The following PIWIL3 variants were observed in gnomAD, a reference collection of about 807,000 sequenced individuals.
The protein encoded by PIWIL3 is piwi like RNA-mediated gene silencing 3, also known as piwi-like protein 3.
PIWIL3 carries 101 observed loss-of-function variants against 109.7 expected under a neutral mutation model. The ratio of observed to expected loss-of-function variants is 0.92; its 90% CI spans 0.78 to 1.09. PIWIL3 has a LOEUF of 1.09. Among genes scored for constraint, PIWIL3 ranks in the 50% least tolerant of loss-of-function variants. The pLI is 0.00. For missense variants in PIWIL3, 1,031 were observed against 1,072.6 expected (o/e 0.96, Z 0.54); for synonymous variants, 373 against 376.4 (o/e 0.99, Z 0.10).
chr22:24,773,437 T>C (rs1926238781), intron 1 of PIWIL3, among the ~76,000 whole-genome samples: 1 of 152,118 alleles, frequency 6.6e-6, no homozygotes, highest in Non-Finnish European at 1.5e-5. Context: ...GGAGAAGGTG[T>C]ATTGAGCTTG....
At chr22:24,747,804 G>A (rs957436791) in intron 12 of PIWIL3, among the ~76,000 whole-genome samples, 4 of 152,170 alleles carry the variant, frequency 2.6e-5, no homozygotes, top group African/African-American at 9.7e-5. Flanking sequence ...AGGATGTGGA[G>A]AAAAGGGAGC....
chr22:24,743,779 G>A (rs554763677), intron 12 of PIWIL3, among the ~76,000 whole-genome samples: 1 of 151,876 alleles, frequency 6.6e-6, no homozygotes, highest in African/African-American at 2.4e-5. Context: ...ACTTATCCAC[G>A]TAACTACCTG....
chr22:24,734,638 T>C (rs533288473), intron 13 of PIWIL3, among the ~76,000 whole-genome samples: 3 of 151,486 alleles, frequency 2.0e-5, no homozygotes, highest in Non-Finnish European at 4.4e-5. Context: ...CACAGGAGGG[T>C]CCCCACAGTT....
In PIWIL3 at chr22:24,755,804, A is replaced by G. The variant is rs904414608; in HGVS notation, c.672T>C (p.Tyr224=). The change falls in exon 6 of 21, where the codon TAT becomes TAC. Residue 224 remains tyrosine (Y), a synonymous_variant. Coordinates refer to ENST00000616349, the MANE Select transcript of PIWIL3 (RefSeq NM_001255975.1). ...CATACCTTCTAAAGAGAATGTTGTA[A>G]TAGCGTAGGCAATCTGGCGACGTGG... ...LTPTSPDCLR[Y]YNILFRRTFK... is the part of the protein sequence containing the mutation. 6.2e-7 allele frequency: 1 copy of G among 1,614,032 alleles called. No individual in the cohort carries two copies. The highest frequency in any genetic ancestry group is 1.7e-5 in the Admixed American group (1 of 59,998).
intron 4 of PIWIL3, 56 bp from the exon 5 acceptor site, chr22:24,756,761 A>T: frequency 7.1e-7 from 1 of 1,408,736 alleles, no homozygotes; most frequent in Non-Finnish European, 9.9e-7. Context: ...CCCAAAACAA[A>T]CAGTTTGGAC....
At chr22:24,768,255 G>GTTT (rs140615218) in intron 1 of PIWIL3, among the ~76,000 whole-genome samples, 1 of 147,592 alleles carries the variant, frequency 6.8e-6, no homozygotes, top group African/African-American at 2.5e-5. Context: ...TGTTTTTTGT[G>GTTT]TTTTTTTTTT....
At chr22:24,738,236 AAAG>A (rs1923780086) in intron 12 of PIWIL3, among the ~76,000 whole-genome samples, 1 of 152,202 alleles carries the variant, frequency 6.6e-6, no homozygotes, top group Admixed American at 6.5e-5. Flanking sequence ...CCACAGTACA[AAAG>A]AATACCAGGT....
At chr22:24,740,625 T>A (rs551635838) in intron 12 of PIWIL3, among the ~76,000 whole-genome samples, 2 of 151,334 alleles carry the variant, frequency 1.3e-5, no homozygotes, top group Non-Finnish European at 1.5e-5. Context: ...AAGGCCACTA[T>A]GAACACCTTT....
chr22:24,750,466 A>G (rs369842783), intron 9 of PIWIL3, among the ~76,000 whole-genome samples: 1 of 149,076 alleles, frequency 6.7e-6, no homozygotes. Flanking sequence ...TCTTATCTGA[A>G]GTCTTACCAC....
intron 12 of PIWIL3, among the ~76,000 whole-genome samples, chr22:24,741,901 C>A (rs1015613348): frequency 9.9e-5 from 15 of 151,258 alleles, no homozygotes; most frequent in African/African-American, 3.7e-4. Context: ...CTAGCCAGAG[C>A]AATCAGACAG....
rs770100384 is a variant in PIWIL3 at position 24,735,730 on chromosome 22, T to C, written c.1612A>G (p.Ile538Val). 1.4e-5 allele frequency: 22 copies of C among 1,602,702 alleles called. No individual in the cohort carries two copies. Among genetic ancestry groups the C allele is most frequent in the Non-Finnish European group, 1.9e-5 (22 of 1,177,226 alleles). The change falls in exon 13 of 21, where the codon ATA becomes GTA. Residue 538 changes from isoleucine (I) to valine (V), a missense_variant. Transcript: ENST00000616349. ...TACATTTCTGCTGGTTTCATAGTTA[T>C]GCCCATGGGGGCTGTGACACTCTGT... The part of the protein sequence containing the change: ...HLQSVTAPMG[I>V]TMKPAEMIEV...
rs756636678 is a variant in PIWIL3 at position 24,756,638 on chromosome 22, A to AAT, written c.422_423insAT (p.Ala142LeufsTer13). On this transcript the variant is annotated frameshift_variant, in exon 5 of 21. Coordinates refer to ENST00000616349, the MANE Select transcript of PIWIL3 (RefSeq NM_001255975.1). LOFTEE classifies it high-confidence loss of function. ...TGTAGTCAACGTTGTATTTATATGCAACCCACTGAGGACGAGATATCACTC... is the reference window on the plus strand; with the variant it reads ...TGTAGTCAACGTTGTATTTATATGCAATACCCACTGAGGACGAGATATCACTC... The AAT allele has an allele frequency of 1.5e-5, 25 of 1,614,144 alleles. No homozygotes were observed. The Admixed American group carries it at 2.2e-4, about 14-fold the overall frequency.
At chr22:24,720,240 A>G (rs1422639750) in intron 19 of PIWIL3, among the ~76,000 whole-genome samples, 1 of 146,396 alleles carries the variant, frequency 6.8e-6, no homozygotes, top group African/African-American at 2.6e-5. Flanking sequence ...GCTGAGAATC[A>G]CTGGACTATA....
At position 24,749,786 on chromosome 22, in the gene PIWIL3, G is replaced by A. The variant is rs1475853; in HGVS notation, c.1123C>T (p.Pro375Ser). The change falls in exon 10 of 21, where the codon CCA becomes TCA. Residue 375 changes from proline (P) to serine (S), a missense_variant. Coordinates refer to ENST00000616349, the MANE Select transcript of PIWIL3 (RefSeq NM_001255975.1). ...CATCTGCCCTGGCTGACCAAAAGTG[G>A]CTGTTTCTTCACTGTGACAATTTCT... ...HKEIVTVKKQ[P>S]LLVSQGRWKK... 0.038 allele frequency: 60,841 copies of A among 1,613,880 alleles called. 1,359 individuals are homozygous for A. Among genetic ancestry groups the A allele is most frequent in the Non-Finnish European group, 0.045 (52,929 of 1,179,970 alleles).
chr22:24,724,786 G>T (rs1922893194), intron 18 of PIWIL3, 101 bp downstream of exon 18: 2 of 1,301,930 alleles, frequency 1.5e-6, no homozygotes, highest in Admixed American at 2.2e-5. Context: ...TGCCCAAGCT[G>T]GTCTTGAACT....
At chr22:24,730,029 G>A (rs1923245182) in intron 14 of PIWIL3, among the ~76,000 whole-genome samples, 1 of 150,722 alleles carries the variant, frequency 6.6e-6, no homozygotes, top group Admixed American at 6.6e-5. Context: ...TGGTTTTTGT[G>A]CAGAGATGAG....
At chr22:24,729,112 G>C (rs975039892) in intron 14 of PIWIL3, among the ~76,000 whole-genome samples, 4 of 152,170 alleles carry the variant, frequency 2.6e-5, no homozygotes, top group East Asian at 1.9e-4. Context: ...GTTGCATAAG[G>C]GGGAGGCTTG....
rs56087060 is a variant in PIWIL3 at position 24,720,259 on chromosome 22, G to GTTTTTTTTTT, written c.2358-374_2358-365dup. On this transcript the variant is annotated intron_variant, in intron 19 of 20. Coordinates refer to ENST00000616349, the MANE Select transcript of PIWIL3 (RefSeq NM_001255975.1). ...AGAATCACTGGACTATATTTAAACT[G>GTTTTTTTTTT]TTTTTTTTTTTTTTTTTTTTTTTTT... Among the ~76,000 whole-genome samples, 8 of 105,520 alleles carry GTTTTTTTTTT rather than the reference G, an allele frequency of 7.6e-5. 2 individuals are homozygous for GTTTTTTTTTT. Among genetic ancestry groups the GTTTTTTTTTT allele is most frequent in the African/African-American group, 2.8e-4 (8 of 28,952 alleles). The allele number at this position is 105,520 out of a possible 152,430, so 69.2% of individuals were successfully genotyped here.
intron 12 of PIWIL3, among the ~76,000 whole-genome samples, chr22:24,740,946 GAAGAA>G (rs1432371913): frequency 3.9e-5 from 6 of 152,088 alleles, no homozygotes; most frequent in Non-Finnish European, 7.4e-5. Context: ...AACCAAGAAA[GAAGAA>G]AACAAAAGAA....
Sources: gnomAD v4.1 joint callset for allele counts (sites outside exome capture counted in the v4.1 genomes callset) on GRCh38, gnomAD v4.1.1 for gene constraint, MANE v1.5 for transcripts, NCBI Gene and HGNC (gene_info 2026-07-23, HGNC 2026-07-21) for gene names.